The following TCERG1L variants were observed in gnomAD, a reference collection of about 807,000 sequenced individuals.
TCERG1L encodes transcription elongation regulator 1 like, also known as transcription elongation regulator 1-like protein.
Under a neutral mutation model 56.3 loss-of-function variants are expected in TCERG1L, and 37 were observed. That is an observed-to-expected ratio of 0.66 (90% CI 0.51 to 0.87). TCERG1L has a LOEUF of 0.87. Ranked by LOEUF, TCERG1L falls within the 40% of genes least tolerant of loss-of-function variation. The pLI, the probability that TCERG1L is intolerant of heterozygous loss-of-function variation, is 0.00. For synonymous variants in TCERG1L, 324 were observed against 326.3 expected (o/e 0.99, Z 0.08); for missense variants, 799 against 774.2 (o/e 1.03, Z -0.38).
Position 131,176,170 on chromosome 10 carries a change from G to C in TCERG1L, c.857-9285C>G, listed in dbSNP as rs141717321. On this transcript the variant is annotated intron_variant, in intron 4 of 11. Transcript: ENST00000368642. ...CTGGGCTCAAGACTGCTGTTACTTT[G>C]GGTGCCTGAGCTGGACCAGGGCCTC... 7.2e-5 allele frequency among the ~76,000 whole-genome samples: 11 copies of C among 152,260 alleles called. No homozygotes were observed. In the East Asian group the frequency reaches 2.1e-3, roughly 29 times the overall value.
At position 131,260,949 on chromosome 10, in the gene TCERG1L, C is replaced by T. The variant is rs540825458; in HGVS notation, c.671-505G>A. Among the ~76,000 whole-genome samples, 10 of 151,492 alleles carry T rather than the reference C, an allele frequency of 6.6e-5. No individual in the cohort carries two copies. The highest frequency in any genetic ancestry group is 2.0e-4 in the East Asian group (1 of 5,120). On this transcript the variant is annotated intron_variant, in intron 3 of 11. Coordinates refer to ENST00000368642, the MANE Select transcript of TCERG1L (RefSeq NM_174937.4). The surrounding 1 kb of genome is among the most constrained non-coding windows in gnomAD (Gnocchi z 5.8). ...TCAGCTGGGCCCTGCAGGGAGAGGGCGGAGAGGTTTCCAGAGGGCACCAGG... is the reference window on the plus strand; with the variant it reads ...TCAGCTGGGCCCTGCAGGGAGAGGGTGGAGAGGTTTCCAGAGGGCACCAGG...
chr10:131,247,175 G>A (rs1298776414), intron 4 of TCERG1L, among the ~76,000 whole-genome samples: 1 of 152,180 alleles, frequency 6.6e-6, no homozygotes, highest in Non-Finnish European at 1.5e-5. Flanking sequence ...ACCACACACA[G>A]CGACGGACAC....
chr10:131,243,058 C>T (rs78134663), intron 4 of TCERG1L, among the ~76,000 whole-genome samples: 5,127 of 152,118 alleles, frequency 0.034, 282 homozygotes, highest in African/African-American at 0.12. Flanking sequence ...ATTTACATTA[C>T]GATTTATTTA....
At chr10:131,226,807 G>A (rs1313799548) in intron 4 of TCERG1L, among the ~76,000 whole-genome samples, 2 of 152,266 alleles carry the variant, frequency 1.3e-5, no homozygotes, top group Admixed American at 6.5e-5. Flanking sequence ...CTTGCCTGGG[G>A]GCAGACGGAC....
intron 8 of TCERG1L, among the ~76,000 whole-genome samples, chr10:131,120,016 T>A (rs961354439): frequency 4.6e-5 from 7 of 152,018 alleles, no homozygotes. Flanking sequence ...CGGGGGTCCC[T>A]CACGCCCAGG....
chr10:131,168,616 C>G (rs1043200243), intron 4 of TCERG1L, among the ~76,000 whole-genome samples: 1 of 152,234 alleles, frequency 6.6e-6, no homozygotes, highest in African/African-American at 2.4e-5. Flanking sequence ...CCTGACTCCC[C>G]TCCATCCAGT....
At chr10:131,147,129 T>G (rs1845804319) in intron 6 of TCERG1L, among the ~76,000 whole-genome samples, 1 of 152,078 alleles carries the variant, frequency 6.6e-6, no homozygotes. Flanking sequence ...GTCATTACCC[T>G]CCGGCAGCAG....
intron 8 of TCERG1L, among the ~76,000 whole-genome samples, chr10:131,131,231 C>A (rs1845615211): frequency 6.6e-6 from 1 of 152,146 alleles, no homozygotes; most frequent in Admixed American, 6.5e-5. Flanking sequence ...GCAGTGATAC[C>A]ACTCAGCAGA....
Position 131,311,253 on chromosome 10 carries a change from G to C in TCERG1L, c.342+41C>G, listed in dbSNP as rs928922303. 8.2e-5 allele frequency: 98 copies of C among 1,192,210 alleles called. No homozygotes were observed. The highest frequency in any genetic ancestry group is 9.8e-5 in the Non-Finnish European group (94 of 961,260). 73.9% of individuals were successfully genotyped at this position (1,192,210 alleles called of 1,614,324 possible). ...GGGCAGGGCGCGCCCAGGAGCAGGG[G>C]AGACGGCGACCCGGGCCGAGGCGGG... is the stretch of plus-strand genomic sequence containing the variant. On this transcript the variant is annotated intron_variant, in intron 1 of 11. Transcript: ENST00000368642. The surrounding 1 kb of genome is among the most constrained non-coding windows in gnomAD (Gnocchi z 4.0).
At chr10:131,140,402 C>T (rs1270786881) in intron 7 of TCERG1L, among the ~76,000 whole-genome samples, 1 of 152,200 alleles carries the variant, frequency 6.6e-6, no homozygotes, top group Non-Finnish European at 1.5e-5. Context: ...ATGTCCTACC[C>T]TACTCGCTCG....
In TCERG1L at chr10:131,260,714, G is replaced by A. The variant is rs1223996983; in HGVS notation, c.671-270C>T. 5.9e-5 allele frequency among the ~76,000 whole-genome samples: 9 copies of A among 152,294 alleles called. 1 individual carries two copies. In the East Asian group the frequency reaches 1.4e-3, roughly 23 times the overall value. ...GCAAGGCTTACAGTCACCAGGGGAC[G>A]AGCCAGGACCCGGGTGCCTTAAAGA... On this transcript the variant is annotated intron_variant, in intron 3 of 11. Coordinates refer to ENST00000368642, the MANE Select transcript of TCERG1L (RefSeq NM_174937.4). This position sits in a 1 kb window ranked among gnomAD's most constrained non-coding sequence, Gnocchi z 5.8.
intron 9 of TCERG1L, among the ~76,000 whole-genome samples, chr10:131,105,048 C>T (rs2133382376): frequency 6.6e-6 from 1 of 152,326 alleles, no homozygotes; most frequent in African/African-American, 2.4e-5. Context: ...CCTTGGACTC[C>T]TCTTGGCTGT....
At chr10:131,266,935 T>A (rs192106211) in intron 3 of TCERG1L, among the ~76,000 whole-genome samples, 1 of 152,120 alleles carries the variant, frequency 6.6e-6, no homozygotes, top group East Asian at 1.9e-4. Context: ...AGGAAGTGCC[T>A]TCCAATTGGT....
At chr10:131,227,985 A>AC (rs1423654116) in intron 4 of TCERG1L, among the ~76,000 whole-genome samples, 1 of 79,286 alleles carries the variant, frequency 1.3e-5, no homozygotes, top group East Asian at 2.9e-4. Flanking sequence ...ACCCCTCCTC[A>AC]CCCCCAGCAC....
At chr10:131,239,540 C>T (rs1369263978) in intron 4 of TCERG1L, among the ~76,000 whole-genome samples, 3 of 152,258 alleles carry the variant, frequency 2.0e-5, no homozygotes, top group Non-Finnish European at 4.4e-5. Context: ...CAACACCACG[C>T]TGCACGCTCC....
At chr10:131,302,429 C>T (rs1846773555) in intron 3 of TCERG1L, among the ~76,000 whole-genome samples, 1 of 151,378 alleles carries the variant, frequency 6.6e-6, no homozygotes, top group African/African-American at 2.4e-5. Context: ...TATTTTCCAA[C>T]CTGACTCTGG....
At chr10:131,276,993 TGTTGA>T (rs1277609695) in intron 3 of TCERG1L, among the ~76,000 whole-genome samples, 1 of 152,228 alleles carries the variant, frequency 6.6e-6, no homozygotes, top group Non-Finnish European at 1.5e-5. Context: ...ATGTAGCTGC[TGTTGA>T]GTTGTCATGT....
chr10:131,308,218 G>A lies in TCERG1L; in HGVS notation c.663C>T (p.Pro221=), dbSNP rs756483786. 1 of 1,610,994 alleles carries A rather than the reference G, an allele frequency of 6.2e-7. No individual in the cohort carries two copies. The highest frequency in any genetic ancestry group is 8.5e-7 in the Non-Finnish European group (1 of 1,178,802). The change falls in exon 3 of 12, where the codon CCC becomes CCT. Residue 221 remains proline (P), a synonymous_variant. Transcript: ENST00000368642. ...PLPTVVLAPQ[P]IPGGCHNSLK... is the part of the protein sequence containing the mutation. ...TGTTATTTGGGCACCAACCTGGGAT[G>A]GGCTGAGGTGCTAACACCACCGTGG...
intron 4 of TCERG1L, among the ~76,000 whole-genome samples, chr10:131,192,289 T>A (rs1451276505): frequency 6.9e-6 from 1 of 144,252 alleles, no homozygotes; most frequent in African/African-American, 2.6e-5. Flanking sequence ...ACATAGTTAA[T>A]CATCAGACAA....
Sources: gnomAD v4.1 joint callset for allele counts (sites outside exome capture counted in the v4.1 genomes callset) on GRCh38, gnomAD v4.1.1 for gene constraint, Gnocchi (gnomAD v3.1) non-coding constraint, MANE v1.5 for transcripts, NCBI Gene and HGNC (gene_info 2026-07-23, HGNC 2026-07-21) for gene names.